DGKB: variants seen among roughly 807,000 people sequenced by gnomAD.
The protein encoded by DGKB is diacylglycerol kinase beta, also known as 90 kDa diacylglycerol kinase.
Under a neutral mutation model 114.3 loss-of-function variants are expected in DGKB, and 67 were observed. That is an observed-to-expected ratio of 0.59 (90% CI 0.48 to 0.72). The LOEUF (loss-of-function observed/expected upper bound fraction) is 0.72, where lower values mean the gene tolerates loss of function less well. DGKB is among the 30% of genes least tolerant of loss of function. The pLI is 0.00. For missense variants in DGKB, 907 were observed against 975.2 expected, an observed-to-expected ratio of 0.93 and a Z score of 0.93; for synonymous variants, 398 against 323.1, an observed-to-expected ratio of 1.23 and a Z score of -2.49.
At chr7:14,280,501 T>C (rs1799773942) in intron 23 of DGKB, among the ~76,000 whole-genome samples, 2 of 148,728 alleles carry the variant, frequency 1.3e-5, no homozygotes, top group Admixed American at 1.3e-4. Context: ...ATTCAGGAAA[T>C]ACAGAGAACG....
intron 23 of DGKB, among the ~76,000 whole-genome samples, chr7:14,289,928 C>T (rs1435058934): frequency 6.6e-6 from 1 of 152,152 alleles, no homozygotes; most frequent in Non-Finnish European, 1.5e-5. Flanking sequence ...GCCTTTCATG[C>T]TTGTTACTTC....
intron 1 of DGKB, among the ~76,000 whole-genome samples, chr7:14,860,125 C>T (rs1290838320): frequency 1.3e-5 from 2 of 152,070 alleles, no homozygotes; most frequent in Non-Finnish European, 1.5e-5. Flanking sequence ...TACACTCTAA[C>T]AACAATATGC....
chr7:14,693,859 C>T (rs1200846914), intron 9 of DGKB, among the ~76,000 whole-genome samples: 1 of 151,958 alleles, frequency 6.6e-6, no homozygotes, highest in Non-Finnish European at 1.5e-5. Flanking sequence ...ATTTTTAATC[C>T]TGAAGTAATA....
chr7:14,561,910 A>G (rs2128672139), intron 20 of DGKB, among the ~76,000 whole-genome samples: 1 of 152,334 alleles, frequency 6.6e-6, no homozygotes, highest in African/African-American at 2.4e-5. Context: ...TCACCAAGAA[A>G]TGGGGAAACT....
chr7:14,716,737 C>T (rs12537147), intron 6 of DGKB, among the ~76,000 whole-genome samples: 61,734 of 151,756 alleles, frequency 0.41, 14,514 homozygotes, highest in East Asian at 0.87. Flanking sequence ...AGGAAAGAGC[C>T]AGGCATTGGC....
Position 14,345,332 on chromosome 7 carries a change from C to A in DGKB, c.1895G>T (p.Cys632Phe). Residue 632 changes from cysteine (C) to phenylalanine (F), a missense_variant, in exon 22 of 26, where the codon TGC becomes TTC. Coordinates refer to ENST00000402815, the MANE Select transcript of DGKB (RefSeq NM_001350709.2). ...TTCTACAGATTCATGTAGCTTCTTGCAGGTGGCTGAGAAAGTTTCAGATGT... is the reference window on the plus strand; with the variant it reads ...TTCTACAGATTCATGTAGCTTCTTGAAGGTGGCTGAGAAAGTTTCAGATGT... ...FGTSETFSAT[C>F]KKLHESVEIE... The A allele has an allele frequency of 1.3e-6, 2 of 1,544,460 alleles. No homozygotes were observed. The highest frequency in any genetic ancestry group is 1.7e-6 in the Non-Finnish European group (2 of 1,142,970).
At chr7:14,437,792 G>A (rs556512675) in intron 21 of DGKB, among the ~76,000 whole-genome samples, 5 of 149,942 alleles carry the variant, frequency 3.3e-5, no homozygotes, top group Admixed American at 2.0e-4. Flanking sequence ...GGGTTATCTC[G>A]TAAGCCCTTC....
At chr7:14,515,330 A>C (rs1487551605) in intron 20 of DGKB, among the ~76,000 whole-genome samples, 3 of 152,194 alleles carry the variant, frequency 2.0e-5, no homozygotes, top group African/African-American at 7.2e-5. Flanking sequence ...CCAGGAAAAC[A>C]TGAAATCAGT....
chr7:14,918,238 A>T (rs149802114), intron 1 of DGKB, among the ~76,000 whole-genome samples: 2 of 152,278 alleles, frequency 1.3e-5, no homozygotes, highest in East Asian at 3.9e-4. Context: ...TTGTACTAAA[A>T]GTTCTAGGTA....
At chr7:14,595,063 G>A (rs947754921) in intron 17 of DGKB, among the ~76,000 whole-genome samples, 2 of 152,072 alleles carry the variant, frequency 1.3e-5, no homozygotes, top group Non-Finnish European at 2.9e-5. Context: ...GGCAGTTAAT[G>A]TGGACTAGGT....
intron 23 of DGKB, among the ~76,000 whole-genome samples, chr7:14,322,504 A>C (rs556495605): frequency 1.3e-5 from 2 of 152,298 alleles, no homozygotes; most frequent in East Asian, 3.9e-4. Flanking sequence ...TCTTAATGTT[A>C]AAGTTAAGCC....
At chr7:14,545,765 A>G (rs1794187389) in intron 20 of DGKB, among the ~76,000 whole-genome samples, 1 of 152,200 alleles carries the variant, frequency 6.6e-6, no homozygotes, top group African/African-American at 2.4e-5. Context: ...CTGACATCGT[A>G]TACTGGGTGA....
chr7:14,794,868 T>C (rs1389194430), intron 2 of DGKB, among the ~76,000 whole-genome samples: 5 of 152,142 alleles, frequency 3.3e-5, no homozygotes, highest in East Asian at 1.9e-4. Flanking sequence ...TCCAGCAGAA[T>C]TGGCCTCCTC....
intron 23 of DGKB, among the ~76,000 whole-genome samples, chr7:14,221,191 A>G (rs1013716892): frequency 2.6e-5 from 4 of 151,090 alleles, no homozygotes; most frequent in African/African-American, 9.7e-5. Flanking sequence ...TTTCTTGCCT[A>G]ATTGCCCTAG....
chr7:14,306,981 C>T (rs966308167), intron 23 of DGKB, among the ~76,000 whole-genome samples: 1 of 152,092 alleles, frequency 6.6e-6, no homozygotes, highest in African/African-American at 2.4e-5. Context: ...TCTTACTTCC[C>T]TAATCTTTTC....
At chr7:14,479,028 A>C (rs2128907545) in intron 20 of DGKB, among the ~76,000 whole-genome samples, 1 of 152,180 alleles carries the variant, frequency 6.6e-6, no homozygotes, top group South Asian at 2.1e-4. Context: ...ACTGACTCTA[A>C]ACAATTATCT....
intron 23 of DGKB, among the ~76,000 whole-genome samples, chr7:14,178,354 G>A (rs1177828248): frequency 6.6e-6 from 1 of 150,388 alleles, no homozygotes; most frequent in Non-Finnish European, 1.5e-5. Context: ...AAAATGATTT[G>A]CTGTCAGCTT....
intron 4 of DGKB, among the ~76,000 whole-genome samples, chr7:14,740,237 CTT>C (rs58096142): frequency 0.62 from 88,276 of 142,726 alleles, 31,403 homozygotes; most frequent in Non-Finnish European, 0.81. Flanking sequence ...ACGCTTAAGC[CTT>C]TTTTTTTTTT....
chr7:14,261,624 T>C (rs948500837), intron 23 of DGKB, among the ~76,000 whole-genome samples: 1 of 152,132 alleles, frequency 6.6e-6, no homozygotes, highest in African/African-American at 2.4e-5. Flanking sequence ...CAATATATAG[T>C]CTATACATGA....
Sources: gnomAD v4.1 joint callset for allele counts (sites outside exome capture counted in the v4.1 genomes callset) on GRCh38, gnomAD v4.1.1 for gene constraint, MANE v1.5 for transcripts, NCBI Gene and HGNC (gene_info 2026-07-23, HGNC 2026-07-21) for gene names.